PDE4D: variants seen among roughly 807,000 people sequenced by gnomAD.
The protein encoded by PDE4D is phosphodiesterase 4D.
In PDE4D, 24 loss-of-function variants were observed where a neutral mutation model predicts 87.4. That is an observed-to-expected ratio of 0.27 (90% CI 0.20 to 0.39). PDE4D has a LOEUF of 0.39. Ranked by LOEUF, PDE4D falls within the 10% of genes least tolerant of loss-of-function variation. PDE4D has a pLI of 1.00. For missense variants in PDE4D, 714 were observed against 1,041.0 expected, an observed-to-expected ratio of 0.69 and a Z score of 4.32; for synonymous variants, 384 against 383.2, an observed-to-expected ratio of 1.00 and a Z score of -0.02.
chr5:60,307,846 GC>G (rs1383942990), intron 1 of PDE4D, among the ~76,000 whole-genome samples: 2 of 152,078 alleles, frequency 1.3e-5, no homozygotes, highest in Non-Finnish European at 2.9e-5. Context: ...TTTGCAACCA[GC>G]CTGGCCAACA....
At chr5:59,178,835 G>C (rs1740776488) in intron 5 of PDE4D, among the ~76,000 whole-genome samples, 1 of 152,154 alleles carries the variant, frequency 6.6e-6, no homozygotes, top group African/African-American at 2.4e-5. Flanking sequence ...TGGGGGTTGA[G>C]GGTAGTTCCT....
At chr5:59,287,549 C>G (rs562598657) in intron 1 of PDE4D, among the ~76,000 whole-genome samples, 4 of 152,234 alleles carry the variant, frequency 2.6e-5, no homozygotes, top group South Asian at 2.1e-4. Flanking sequence ...TTATAGAGCC[C>G]TAGTGCCTTG....
chr5:59,014,243 G>C (rs1017875832), intron 6 of PDE4D, among the ~76,000 whole-genome samples: 15 of 152,146 alleles, frequency 9.9e-5, no homozygotes, highest in African/African-American at 3.4e-4. Context: ...GCACAAGACA[G>C]GGATGCCTTC....
chr5:59,622,700 T>C (rs370417286), intron 1 of PDE4D, among the ~76,000 whole-genome samples: 3 of 152,202 alleles, frequency 2.0e-5, no homozygotes, highest in Admixed American at 2.0e-4. Context: ...GAGACTATTT[T>C]AGAATGACTG....
At chr5:60,312,404 C>T (rs994774214) in intron 1 of PDE4D, among the ~76,000 whole-genome samples, 4 of 152,188 alleles carry the variant, frequency 2.6e-5, no homozygotes, top group African/African-American at 9.7e-5. Flanking sequence ...TATTCTCACA[C>T]AGCTATGAAG....
intron 1 of PDE4D, among the ~76,000 whole-genome samples, chr5:60,350,436 G>T (rs1357713455): frequency 6.6e-6 from 1 of 152,152 alleles, no homozygotes; most frequent in East Asian, 1.9e-4. Flanking sequence ...AGCAACTGAG[G>T]TAGGCCAGAA....
chr5:60,036,970 A>C (rs1767879288), intron 2 of PDE4D, among the ~76,000 whole-genome samples: 1 of 152,200 alleles, frequency 6.6e-6, no homozygotes, highest in Non-Finnish European at 1.5e-5. Flanking sequence ...ATTTAAAAAC[A>C]TTTTGTCTTA....
At chr5:59,633,493 G>A (rs140477941) in intron 1 of PDE4D, among the ~76,000 whole-genome samples, 4,273 of 152,242 alleles carry the variant, frequency 0.028, 199 homozygotes, top group African/African-American at 0.098. Context: ...AGAGAGAAAG[G>A]TTGGGTTACC....
intron 1 of PDE4D, among the ~76,000 whole-genome samples, chr5:60,510,418 C>T (rs867084095): frequency 6.6e-6 from 1 of 152,124 alleles, no homozygotes; most frequent in African/African-American, 2.4e-5. Context: ...TTTTAACACT[C>T]GAATTCATCC....
At chr5:59,458,488 T>C (rs1316973189) in intron 1 of PDE4D, among the ~76,000 whole-genome samples, 1 of 152,220 alleles carries the variant, frequency 6.6e-6, no homozygotes, top group East Asian at 1.9e-4. Flanking sequence ...TGAAACAAAG[T>C]AGGCGCTACT....
At chr5:59,795,667 G>A (rs1011305813) in intron 1 of PDE4D, among the ~76,000 whole-genome samples, 5 of 152,062 alleles carry the variant, frequency 3.3e-5, no homozygotes, top group African/African-American at 4.8e-5. Context: ...CCACACTGTC[G>A]GCTGGGGTCC....
At chr5:58,999,970 A>T (rs1750146151) in intron 6 of PDE4D, 1 of 925,498 alleles carries the variant, frequency 1.1e-6, no homozygotes, top group African/African-American at 1.8e-5. Context: ...AGCCCCTCCC[A>T]TAAAACCCCA....
At chr5:59,931,694 C>CTTTTTTTTTTTTTTTTTTTT (rs35943138) in intron 3 of PDE4D, among the ~76,000 whole-genome samples, 4 of 126,596 alleles carry the variant, frequency 3.2e-5, no homozygotes, top group Non-Finnish European at 4.8e-5. Flanking sequence ...TCTTCTTCTT[C>CTTTTTTTTTTTTTTTTTTTT]TTTTTTTTTT....
chr5:60,488,713 T>C (rs1561310238), upstream of PDE4D, among the ~76,000 whole-genome samples: 1 of 151,732 alleles, frequency 6.6e-6, no homozygotes, highest in Non-Finnish European at 1.5e-5. Context: ...GAAAGAAGAG[T>C]CAACGGGGCT....
At chr5:60,074,208 G>T (rs529718239) in intron 2 of PDE4D, among the ~76,000 whole-genome samples, 3 of 152,246 alleles carry the variant, frequency 2.0e-5, no homozygotes, top group Non-Finnish European at 2.9e-5. Flanking sequence ...GTGTCCCAGA[G>T]ATTCTGGTAT....
chr5:59,362,992 A>G (rs1782468155), intron 1 of PDE4D, among the ~76,000 whole-genome samples: 1 of 152,182 alleles, frequency 6.6e-6, no homozygotes, highest in African/African-American at 2.4e-5. Flanking sequence ...TGTCATCCTC[A>G]GACCCCTTCC....
At chr5:59,134,397 G>T (rs922690897) in intron 5 of PDE4D, among the ~76,000 whole-genome samples, 2 of 151,748 alleles carry the variant, frequency 1.3e-5, no homozygotes, top group Non-Finnish European at 2.9e-5. Context: ...CATTAATTTT[G>T]TTCCACAGAG....
rs576067244 is a variant in PDE4D, at chr5:59,039,345, G to C, written c.809-374C>G. 1.2e-5 allele frequency: 12 copies of C among 1,037,094 alleles called. No individual in the cohort carries two copies. In the African/African-American group the frequency reaches 1.7e-4, roughly 15 times the overall value. The allele number at this position is 1,037,094 out of a possible 1,614,324, so 64.2% of individuals were successfully genotyped here. A position where few individuals can be genotyped will look rare whatever the true frequency, so the allele number is the denominator to read the frequency against. ...CCCGGCTCTAGCGGATGGCGAGGGG[G>C]TGGCGAGCGCGCTTGGGTGCCCGCC... On this transcript the variant is annotated intron_variant, in intron 5 of 14. Transcript: ENST00000340635.
At chr5:59,569,416 CA>C (rs968825850) in intron 1 of PDE4D, among the ~76,000 whole-genome samples, 1 of 151,912 alleles carries the variant, frequency 6.6e-6, no homozygotes, top group Non-Finnish European at 1.5e-5. Context: ...TCCTAAGATA[CA>C]AAAAAACCAC....
Sources: allele counts gnomAD v4.1 joint callset (sites outside exome capture counted in the v4.1 genomes callset), GRCh38; gene constraint gnomAD v4.1.1; transcripts MANE v1.5; gene names NCBI Gene and HGNC (gene_info 2026-07-23, HGNC 2026-07-21).